TTLL11: variants seen among roughly 807,000 people sequenced by gnomAD.
TTLL11 encodes the protein tubulin tyrosine ligase like 11, also known as tubulin polyglutamylase TTLL11.
A neutral mutation model predicts 51.7 loss-of-function variants in TTLL11; 42 were observed. The ratio of observed to expected loss-of-function variants is 0.81; its 90% CI spans 0.64 to 1.05. The LOEUF (loss-of-function observed/expected upper bound fraction) is 1.05, where lower values mean the gene tolerates loss of function less well. Ranked by LOEUF, TTLL11 falls within the 50% of genes least tolerant of loss-of-function variation. The pLI, the probability that TTLL11 is intolerant of heterozygous loss-of-function variation, is 0.00. For synonymous variants in TTLL11, 381 were observed against 383.5 expected, an observed-to-expected ratio of 0.99 and a Z score of 0.08; for missense variants, 799 against 940.4, an observed-to-expected ratio of 0.85 and a Z score of 1.97.
At chr9:121,889,347 G>A (rs1839133673) in intron 6 of TTLL11, among the ~76,000 whole-genome samples, 1 of 152,114 alleles carries the variant, frequency 6.6e-6, no homozygotes, top group Non-Finnish European at 1.5e-5. Context: ...AAATTACTTG[G>A]AATACTTTTT....
chr9:121,954,870 A>G (rs1321331058), intron 6 of TTLL11, among the ~76,000 whole-genome samples: 1 of 152,188 alleles, frequency 6.6e-6, no homozygotes, highest in Admixed American at 6.5e-5. Flanking sequence ...TCTCTTTTTA[A>G]AGATAATAAA....
chr9:121,816,218 T>C lies in TTLL11; in HGVS notation c.*6369A>G, dbSNP rs1341261855. 6.6e-6 allele frequency: 1 copy of C among 152,208 alleles called. No individual in the cohort carries two copies. Among genetic ancestry groups the C allele is most frequent in the East Asian group, 1.9e-4 (1 of 5,188 alleles). The allele number at this position is 152,208 out of a possible 1,614,324, so 9.4% of individuals were successfully genotyped here. ...TTCCAGAACAGTTCACGGCCTCCTC[T>C]GGGATTCTCAGCCCTCGCTTTCCCC... On this transcript the variant is annotated 3_prime_UTR_variant, in exon 9 of 9. Coordinates refer to ENST00000321582, the MANE Select transcript of TTLL11 (RefSeq NM_001139442.2).
At chr9:122,026,147 G>T (rs1054924436) in intron 3 of TTLL11, among the ~76,000 whole-genome samples, 1 of 151,972 alleles carries the variant, frequency 6.6e-6, no homozygotes, top group Non-Finnish European at 1.5e-5. Context: ...GAGGGAAGAA[G>T]CGAAGGAGGG....
chr9:121,961,508 T>G (rs1842219801), intron 6 of TTLL11, among the ~76,000 whole-genome samples: 1 of 151,998 alleles, frequency 6.6e-6, no homozygotes, highest in Non-Finnish European at 1.5e-5. Context: ...AGAGTCTCGC[T>G]CCAGGGTCCC....
At chr9:121,857,785 C>T (rs1020074362) in intron 8 of TTLL11, among the ~76,000 whole-genome samples, 1 of 152,208 alleles carries the variant, frequency 6.6e-6, no homozygotes, top group Admixed American at 6.5e-5. Context: ...GTGGATTCCG[C>T]TTACCGGGAG....
chr9:122,082,010 A>T (rs1014041826), intron 1 of TTLL11, among the ~76,000 whole-genome samples: 1 of 152,230 alleles, frequency 6.6e-6, no homozygotes, highest in African/African-American at 2.4e-5. Context: ...TTAAAAGAAC[A>T]CATTTTTACC....
At chr9:122,012,425 C>T (rs1188558666) in intron 3 of TTLL11, among the ~76,000 whole-genome samples, 2 of 151,194 alleles carry the variant, frequency 1.3e-5, no homozygotes, top group African/African-American at 4.9e-5. Context: ...AAAAGCTTGC[C>T]ATTAGAGAGA....
At chr9:122,016,078 C>T (rs966696682) in intron 3 of TTLL11, among the ~76,000 whole-genome samples, 4 of 152,076 alleles carry the variant, frequency 2.6e-5, no homozygotes, top group African/African-American at 4.8e-5. Flanking sequence ...TTGCTCCAGA[C>T]GTCGGGGGCA....
At position 121,989,351 on chromosome 9, in the gene TTLL11, G is replaced by C. The variant is rs1407302920; in HGVS notation, c.1113C>G (p.Ile371Met). Residue 371 changes from isoleucine (I) to methionine (M), a missense_variant, in exon 4 of 9, where the codon ATC (isoleucine) becomes ATG (methionine). By Grantham distance (10) the Ile-to-Met change is conservative. Transcript: ENST00000321582. The surrounding 1 kb of genome is among the most constrained non-coding windows in gnomAD (Gnocchi z 4.2). ...CGCCTTTGGAAGACAGTCTACAAAGGATGCTGGAAAAAGTCCTTTTGCTGC... is the reference window on the plus strand; with the variant it reads ...CGCCTTTGGAAGACAGTCTACAAAGCATGCTGGAAAAAGTCCTTTTGCTGC... ...STGSKRTFSS[I>M]LCRLSSKGVD... is the part of the protein sequence containing the mutation. The C allele has an allele frequency of 2.5e-6, 4 of 1,614,082 alleles. No individual in the cohort carries two copies. The highest frequency in any genetic ancestry group is 3.4e-6 in the Non-Finnish European group (4 of 1,180,052).
At chr9:122,071,152 G>T (rs763664063) in intron 1 of TTLL11, among the ~76,000 whole-genome samples, 1 of 152,170 alleles carries the variant, frequency 6.6e-6, no homozygotes, top group Non-Finnish European at 1.5e-5. Flanking sequence ...CCCATGGCTT[G>T]TTCCCTTCCC....
chr9:122,014,550 A>G (rs1436041382), intron 3 of TTLL11, among the ~76,000 whole-genome samples: 1 of 152,058 alleles, frequency 6.6e-6, no homozygotes, highest in Non-Finnish European at 1.5e-5. Context: ...AGCTTGGACC[A>G]TCCGTCTCCT....
chr9:121,988,048 G>A (rs1842983295), intron 4 of TTLL11, among the ~76,000 whole-genome samples: 1 of 151,944 alleles, frequency 6.6e-6, no homozygotes, highest in African/African-American at 2.4e-5. Context: ...CAAGCCACCT[G>A]CACATCAGCC....
intron 6 of TTLL11, among the ~76,000 whole-genome samples, chr9:121,899,963 G>A (rs1481084524): frequency 1.3e-5 from 2 of 152,192 alleles, no homozygotes; most frequent in Non-Finnish European, 2.9e-5. Context: ...ACCCTATGCA[G>A]TAGACACTAT....
intron 1 of TTLL11, among the ~76,000 whole-genome samples, chr9:122,082,308 A>T (rs1175360323): frequency 1.3e-5 from 2 of 152,246 alleles, no homozygotes; most frequent in East Asian, 3.9e-4. Flanking sequence ...GTTCAAGACC[A>T]GCTTAGCCAA....
chr9:121,963,644 C>T (rs1842307999), intron 6 of TTLL11: 1 of 152,180 alleles, frequency 6.6e-6, no homozygotes, highest in Non-Finnish European at 1.5e-5. Context: ...TCTGATGGCC[C>T]TGTGGAATGA....
chr9:121,876,377 G>A (rs1838565659), intron 6 of TTLL11, among the ~76,000 whole-genome samples: 1 of 152,196 alleles, frequency 6.6e-6, no homozygotes, highest in Non-Finnish European at 1.5e-5. Flanking sequence ...ATTCATCCAT[G>A]AAACATGTTC....
intron 1 of TTLL11, among the ~76,000 whole-genome samples, chr9:122,060,832 TGAA>T (rs1275488293): frequency 6.6e-6 from 1 of 152,216 alleles, no homozygotes; most frequent in Non-Finnish European, 1.5e-5. Flanking sequence ...ATTTTCTTGT[TGAA>T]GAAGAACTGT....
intron 1 of TTLL11, among the ~76,000 whole-genome samples, chr9:122,079,653 G>A (rs563280613): frequency 1.3e-5 from 2 of 151,636 alleles, no homozygotes; most frequent in South Asian, 4.2e-4. Flanking sequence ...AGGTTGCTGT[G>A]AGCTGAGATC....
At chr9:122,075,261 G>A (rs1845833492) in intron 1 of TTLL11, among the ~76,000 whole-genome samples, 1 of 152,186 alleles carries the variant, frequency 6.6e-6, no homozygotes, top group African/African-American at 2.4e-5. Flanking sequence ...AACATGATGG[G>A]CGAGTAGGGA....
Sources: allele counts gnomAD v4.1 joint callset (sites outside exome capture counted in the v4.1 genomes callset), GRCh38; gene constraint gnomAD v4.1.1; non-coding constraint Gnocchi (gnomAD v3.1); transcripts MANE v1.5; gene names NCBI Gene and HGNC (gene_info 2026-07-23, HGNC 2026-07-21).